MTUS2: variants seen among roughly 807,000 people sequenced by gnomAD.
MTUS2 encodes the protein microtubule-associated tumor suppressor candidate 2.
A neutral mutation model predicts 114.1 loss-of-function variants in MTUS2; 40 were observed. The observed-to-expected ratio is 0.35, with a 90% CI of 0.27 to 0.46. The LOEUF is 0.46. MTUS2 is among the 20% of genes least tolerant of loss of function. MTUS2 has a pLI of 1.00. For missense variants in MTUS2, 1,679 were observed against 1,705.4 expected (o/e 0.98, Z 0.27); for synonymous variants, 688 against 672.0 (o/e 1.02, Z -0.37).
intron 2 of MTUS2, among the ~76,000 whole-genome samples, chr13:28,860,298 T>C (rs537443538): frequency 1.2e-3 from 189 of 152,342 alleles, no homozygotes; most frequent in African/African-American, 4.1e-3. Flanking sequence ...ATAGTCACTC[T>C]TTTGCCAGCT....
chr13:29,026,752 C>T lies in MTUS2; in HGVS notation c.2054C>T (p.Ala685Val), dbSNP rs192782074. Reference protein sequence around the residue: ...TMPLPHEEKAAGGDLKPSANL... With the variant: ...TMPLPHEEKAVGGDLKPSANL... The stretch of plus-strand genomic sequence containing the variant: ...CCTCTTCCCCACGAAGAGAAGGCAG[C>T]AGGTGGTGACCTGAAGCCATCTGCC... The change falls in exon 3 of 16, where the codon GCA (alanine) becomes GTA (valine). Residue 685 changes from alanine to valine, a missense_variant. Coordinates refer to ENST00000612955, the MANE Select transcript of MTUS2 (RefSeq NM_001033602.4). 4.9e-5 allele frequency: 79 copies of T among 1,613,954 alleles called. No individual in the cohort carries two copies. The Admixed American group carries it at 8.2e-4, about 17-fold the overall frequency.
intron 2 of MTUS2, among the ~76,000 whole-genome samples, chr13:28,978,694 G>A (rs892748943): frequency 6.6e-6 from 1 of 152,196 alleles, no homozygotes; most frequent in African/African-American, 2.4e-5. Flanking sequence ...ATGTCCTGTA[G>A]AGTGTAATTC....
At chr13:29,259,814 G>T (rs1453761140) in intron 5 of MTUS2, among the ~76,000 whole-genome samples, 1 of 152,146 alleles carries the variant, frequency 6.6e-6, no homozygotes, top group Non-Finnish European at 1.5e-5. Flanking sequence ...CAGGAGAGGG[G>T]AGCCTAACCT....
chr13:29,369,849 A>G (rs1325562810), intron 8 of MTUS2, among the ~76,000 whole-genome samples: 2 of 152,262 alleles, frequency 1.3e-5, no homozygotes, highest in Non-Finnish European at 2.9e-5. Context: ...TTCTTCTTCA[A>G]TAATATTTCC....
rs1882586676 is a variant in MTUS2 at position 29,496,881 on chromosome 13, C to G, written c.3580-357C>G. 6.6e-6 allele frequency among the ~76,000 whole-genome samples: 1 copy of G among 152,120 alleles called. No individual in the cohort carries two copies. Among genetic ancestry groups the G allele is most frequent in the South Asian group, 2.1e-4 (1 of 4,828 alleles). ...ATCTTTGAAATACATTCATCGCGGT[C>G]CTTCCCAAAGCCAGGGGCTAGGTGC... On this transcript the variant is annotated intron_variant, in intron 12 of 15. Transcript: ENST00000612955. This position sits in a 1 kb window ranked among gnomAD's most constrained non-coding sequence, Gnocchi z 4.3.
intron 5 of MTUS2, among the ~76,000 whole-genome samples, chr13:29,185,551 G>T (rs1323258365): frequency 6.6e-6 from 1 of 152,138 alleles, no homozygotes; most frequent in African/African-American, 2.4e-5. Flanking sequence ...CATCACAAGT[G>T]CAAGGGATCC....
intron 8 of MTUS2, among the ~76,000 whole-genome samples, chr13:29,385,506 A>G (rs1350697599): frequency 1.3e-5 from 2 of 152,186 alleles, no homozygotes; most frequent in African/African-American, 2.4e-5. Flanking sequence ...CCCTTCAGAA[A>G]GGGCACAAAT....
intron 1 of MTUS2, among the ~76,000 whole-genome samples, chr13:28,821,402 G>A (rs1200959662): frequency 6.6e-6 from 1 of 152,182 alleles, no homozygotes; most frequent in African/African-American, 2.4e-5. Flanking sequence ...GATCCTACAT[G>A]TATACTTTCT....
At chr13:29,063,783 T>C (rs180856906) in intron 4 of MTUS2, among the ~76,000 whole-genome samples, 73 of 152,340 alleles carry the variant, frequency 4.8e-4, no homozygotes, top group Non-Finnish European at 4.4e-5. Flanking sequence ...GGTATAAGAA[T>C]TCTGAAAATA....
intron 7 of MTUS2, among the ~76,000 whole-genome samples, chr13:29,358,797 A>G (rs893443069): frequency 6.6e-6 from 1 of 152,166 alleles, no homozygotes; most frequent in Non-Finnish European, 1.5e-5. Flanking sequence ...CATTGAAGAA[A>G]AGGGTCACTA....
chr13:29,245,693 A>AT (rs1896895083), intron 5 of MTUS2, among the ~76,000 whole-genome samples: 1 of 129,744 alleles, frequency 7.7e-6, no homozygotes, highest in Non-Finnish European at 1.7e-5. Context: ...CATCTATTTT[A>AT]ATTTTTTTTT....
intron 5 of MTUS2, among the ~76,000 whole-genome samples, chr13:29,224,631 A>G (rs1718196217): frequency 6.6e-6 from 1 of 152,078 alleles, no homozygotes. Context: ...AAATATTCTT[A>G]TTTTAAAATC....
At chr13:29,070,516 T>C (rs1888868798) in intron 4 of MTUS2, among the ~76,000 whole-genome samples, 1 of 152,100 alleles carries the variant, frequency 6.6e-6, no homozygotes, top group African/African-American at 2.4e-5. Flanking sequence ...TTGTAGGTGA[T>C]CTGATTTCTT....
intron 5 of MTUS2, among the ~76,000 whole-genome samples, chr13:29,222,382 T>A (rs1171227893): frequency 6.6e-6 from 1 of 152,246 alleles, no homozygotes; most frequent in Non-Finnish European, 1.5e-5. Context: ...TATCTGTTCT[T>A]GAACCTTTGT....
chr13:28,858,123 C>G (rs1876750678), intron 2 of MTUS2, among the ~76,000 whole-genome samples: 1 of 152,132 alleles, frequency 6.6e-6, no homozygotes, highest in Non-Finnish European at 1.5e-5. Context: ...CCCTTAGAGG[C>G]TAGGTCTTCA....
intron 4 of MTUS2, among the ~76,000 whole-genome samples, chr13:29,058,018 A>G (rs1888219643): frequency 6.6e-6 from 1 of 152,046 alleles, no homozygotes; most frequent in Non-Finnish European, 1.5e-5. Flanking sequence ...TTGCCTGGAA[A>G]GGATTTTATT....
chr13:29,459,057 C>G (rs1225377074), intron 9 of MTUS2, among the ~76,000 whole-genome samples: 1 of 152,164 alleles, frequency 6.6e-6, no homozygotes, highest in African/African-American at 2.4e-5. Flanking sequence ...AGAAGTTTCC[C>G]TGTATGATCT....
intron 2 of MTUS2, among the ~76,000 whole-genome samples, chr13:28,924,326 C>T (rs1485019414): frequency 6.6e-6 from 1 of 152,032 alleles, no homozygotes; most frequent in African/African-American, 2.4e-5. Context: ...GAGTCTGTGC[C>T]GTTTTATTCA....
At chr13:29,455,937 C>T (rs903233055) in intron 9 of MTUS2, among the ~76,000 whole-genome samples, 17 of 152,168 alleles carry the variant, frequency 1.1e-4, no homozygotes, top group African/African-American at 3.6e-4. Flanking sequence ...GCTATGATTA[C>T]ACCACTGCAC....
Sources: gnomAD v4.1 joint callset for allele counts (sites outside exome capture counted in the v4.1 genomes callset) on GRCh38, gnomAD v4.1.1 for gene constraint, Gnocchi (gnomAD v3.1) non-coding constraint, MANE v1.5 for transcripts, NCBI Gene and HGNC (gene_info 2026-07-23, HGNC 2026-07-21) for gene names.